Variants in NSD1 observed in about 807,000 individuals in gnomAD.
NSD1 encodes the protein nuclear receptor binding SET domain protein 1.
A neutral mutation model predicts 242.7 loss-of-function variants in NSD1; 26 were observed. The observed-to-expected ratio is 0.11, with a 90% CI of 0.08 to 0.15. The LOEUF (loss-of-function observed/expected upper bound fraction) is 0.15, where lower values mean the gene tolerates loss of function less well. NSD1 is among the 10% of genes least tolerant of loss of function. NSD1 has a pLI of 1.00. For synonymous variants in NSD1, 1,106 were observed against 1,178.1 expected (o/e 0.94, Z 1.25); for missense variants, 2,495 against 3,272.8 (o/e 0.76, Z 5.80).
At position 177,135,556 on chromosome 5, in the gene NSD1, G is replaced by T; in HGVS notation, c.453G>T (p.Leu151=). Reference sequence around the variant, plus strand: ...CAAAGACTATCAAGAATGGCTTTCTGCACTTTGAGAATTTTACTTGTGTGG... The same window carrying T: ...CAAAGACTATCAAGAATGGCTTTCTTCACTTTGAGAATTTTACTTGTGTGG... The part of the protein sequence containing the change: ...KVTKTIKNGF[L]HFENFTCVDD... Residue 151 remains leucine, a synonymous_variant, in exon 2 of 23, where the codon CTG becomes CTT. Transcript: ENST00000439151. The T allele has an allele frequency of 6.2e-7, 1 of 1,614,172 alleles. No homozygotes were observed. Among genetic ancestry groups the T allele is most frequent in the Non-Finnish European group, 8.5e-7 (1 of 1,180,046 alleles).
At chr5:177,220,149 TCTC>T (rs1326686599) in intron 5 of NSD1, among the ~76,000 whole-genome samples, 2 of 152,196 alleles carry the variant, frequency 1.3e-5, no homozygotes, top group African/African-American at 4.8e-5. Context: ...AGTATTAAAA[TCTC>T]CTTGTGTTAC....
chr5:177,136,086 C>G (rs1372544392), intron 2 of NSD1, 56 bp downstream of exon 2: 1 of 1,430,022 alleles, frequency 7.0e-7, no homozygotes, highest in Non-Finnish European at 9.8e-7. Flanking sequence ...ATACAGGCCA[C>G]TTAAAGGGAA....
chr5:177,217,666 C>CTTTTTT (rs543853335), intron 5 of NSD1, among the ~76,000 whole-genome samples: 2 of 106,260 alleles, frequency 1.9e-5, no homozygotes, highest in African/African-American at 3.5e-5. Flanking sequence ...GCGTCACATT[C>CTTTTTT]TTTTTTTTTT....
At chr5:177,264,656 C>T (rs1254847875) in intron 14 of NSD1, 1 of 457,654 alleles carries the variant, frequency 2.2e-6, no homozygotes, top group Non-Finnish European at 4.0e-6. Context: ...CACCCCTGGC[C>T]CCAACAAAAA....
chr5:177,158,999 T>TATATATATATATATGAATGAG (rs1491275090), intron 2 of NSD1, among the ~76,000 whole-genome samples: 3 of 13,050 alleles, frequency 2.3e-4, no homozygotes, highest in African/African-American at 8.4e-4. Flanking sequence ...TGAATGATTT[T>TATATATATATATATGAATGAG]ATATATATAT....
chr5:177,282,509 A>T lies in NSD1; in HGVS notation c.5937A>T (p.Glu1979Asp), dbSNP rs1382663359. 1 of 1,613,944 alleles carries T rather than the reference A, an allele frequency of 6.2e-7. No homozygotes were observed. Among genetic ancestry groups the T allele is most frequent in the Admixed American group, 1.7e-5 (1 of 60,028 alleles). The change falls in exon 19 of 23, where the codon GAA becomes GAT. Residue 1979 changes from glutamate to aspartate, a missense_variant. By Grantham distance (45) the Glu-to-Asp change is conservative. Transcript: ENST00000439151. ...NEYVGELIDEEECRARIRYAQ... is the reference protein window; with the variant it reads ...NEYVGELIDEDECRARIRYAQ... Reference sequence around the variant, plus strand: ...ATGTGGGTGAGCTTATAGATGAAGAAGAATGCAGAGCTCGAATTCGCTATG... The same window carrying T: ...ATGTGGGTGAGCTTATAGATGAAGATGAATGCAGAGCTCGAATTCGCTATG...
At chr5:177,251,093 G>A (rs990571343) in intron 11 of NSD1, among the ~76,000 whole-genome samples, 2 of 152,060 alleles carry the variant, frequency 1.3e-5, no homozygotes, top group African/African-American at 2.4e-5. Context: ...GGGAGGCTGA[G>A]GCAGGAGAAT....
At chr5:177,203,962 A>G (rs1246784618) in intron 3 of NSD1, among the ~76,000 whole-genome samples, 158 bp from the exon 4 acceptor site, 1 of 152,108 alleles carries the variant, frequency 6.6e-6, no homozygotes, top group East Asian at 1.9e-4. Context: ...AATACTTAAA[A>G]TTTTCCTTGT....
chr5:177,156,970 C>CTAAATAAATAAA (rs34821534), intron 2 of NSD1, among the ~76,000 whole-genome samples: 9 of 151,620 alleles, frequency 5.9e-5, no homozygotes, highest in African/African-American at 2.2e-4. Flanking sequence ...GACTCTGTCT[C>CTAAATAAATAAA]TAAATAAATA....
At chr5:177,168,059 T>C (rs1021255749) in intron 2 of NSD1, among the ~76,000 whole-genome samples, 4 of 152,186 alleles carry the variant, frequency 2.6e-5, no homozygotes, top group African/African-American at 9.7e-5. Context: ...AATCTGTAAA[T>C]GATTTTAGGG....
intron 2 of NSD1, among the ~76,000 whole-genome samples, chr5:177,170,612 T>C (rs1759619654): frequency 6.6e-6 from 1 of 151,696 alleles, no homozygotes; most frequent in African/African-American, 2.4e-5. Context: ...CTCAGCTTCC[T>C]GAAGTGCTAG....
intron 21 of NSD1, among the ~76,000 whole-genome samples, chr5:177,289,401 A>G (rs769911117): frequency 1.4e-4 from 22 of 152,194 alleles, no homozygotes; most frequent in Non-Finnish European, 2.1e-4. Context: ...CGGCTGATCA[A>G]TTATATAAGA....
intron 12 of NSD1, among the ~76,000 whole-genome samples, chr5:177,253,166 A>G (rs1756146148): frequency 6.6e-6 from 1 of 152,188 alleles, no homozygotes; most frequent in African/African-American, 2.4e-5. Flanking sequence ...GTCTCATTAC[A>G]CTAGATTGAA....
At chr5:177,155,187 C>T (rs530746536) in intron 2 of NSD1, among the ~76,000 whole-genome samples, 3 of 152,254 alleles carry the variant, frequency 2.0e-5, no homozygotes, top group South Asian at 4.1e-4. Context: ...CTAGGTTTCT[C>T]CATGTTGGTC....
chr5:177,205,216 T>C (rs1181108710), intron 4 of NSD1, among the ~76,000 whole-genome samples: 1 of 152,160 alleles, frequency 6.6e-6, no homozygotes, highest in Non-Finnish European at 1.5e-5. Context: ...TTTGTATTTT[T>C]AGTAGAGACA....
intron 5 of NSD1, among the ~76,000 whole-genome samples, chr5:177,217,398 T>C (rs1482561730): frequency 6.6e-6 from 1 of 152,144 alleles, no homozygotes; most frequent in East Asian, 1.9e-4. Context: ...ATCTTTAGGG[T>C]TTCCTACATA....
intron 2 of NSD1, among the ~76,000 whole-genome samples, chr5:177,185,797 A>ATAT (rs1395211195): frequency 6.6e-5 from 6 of 91,058 alleles, no homozygotes; most frequent in African/African-American, 2.9e-4. Flanking sequence ...TATTATATAT[A>ATAT]TATATATATA....
intron 2 of NSD1, among the ~76,000 whole-genome samples, chr5:177,156,414 C>T (rs761535428): frequency 6.6e-6 from 1 of 151,986 alleles, no homozygotes; most frequent in Non-Finnish European, 1.5e-5. Flanking sequence ...CTTTAGACCT[C>T]GTGATCTGTC....
At chr5:177,190,886 C>T (rs1489415390) in intron 2 of NSD1, among the ~76,000 whole-genome samples, 1 of 151,400 alleles carries the variant, frequency 6.6e-6, no homozygotes, top group Non-Finnish European at 1.5e-5. Context: ...CCAGGATGGT[C>T]TCGATTTCCT....
Sources: gnomAD v4.1 joint callset for allele counts (sites outside exome capture counted in the v4.1 genomes callset) on GRCh38, gnomAD v4.1.1 for gene constraint, MANE v1.5 for transcripts, NCBI Gene and HGNC (gene_info 2026-07-23, HGNC 2026-07-21) for gene names.